The following SYT9 variants were observed in gnomAD, a reference collection of about 807,000 sequenced individuals.
SYT9 encodes synaptotagmin-9.
SYT9 carries 22 observed loss-of-function variants against 48.4 expected under a neutral mutation model. The observed-to-expected ratio is 0.45, with a 90% confidence interval of 0.32 to 0.65. SYT9 has a LOEUF of 0.65. Among genes scored for constraint, SYT9 ranks in the 30% least tolerant of loss-of-function variants. The probability of loss-of-function intolerance (pLI) is 0.03; values close to 1 mark genes in which losing one functional copy is unlikely to be tolerated. For synonymous variants in SYT9, 265 were observed against 245.0 expected, an observed-to-expected ratio of 1.08 and a Z score of -0.76; for missense variants, 577 against 622.0, an observed-to-expected ratio of 0.93 and a Z score of 0.77.
chr11:7,342,161 C>G (rs1242713771), intron 3 of SYT9, among the ~76,000 whole-genome samples: 4 of 152,078 alleles, frequency 2.6e-5, no homozygotes, highest in Admixed American at 2.6e-4. Flanking sequence ...TCATATCATT[C>G]CACCCCTGGG....
intron 3 of SYT9, among the ~76,000 whole-genome samples, chr11:7,374,807 A>C (rs1850424215): frequency 6.6e-6 from 1 of 152,074 alleles, no homozygotes; most frequent in Admixed American, 6.5e-5. Context: ...TTCCTTGTAG[A>C]TTCTGGATAT....
At chr11:7,256,172 T>G (rs759535406) in intron 1 of SYT9, among the ~76,000 whole-genome samples, 2 of 152,176 alleles carry the variant, frequency 1.3e-5, no homozygotes, top group Non-Finnish European at 2.9e-5. Flanking sequence ...CTTAAACATG[T>G]TTTTATCATT....
At position 7,304,224 on chromosome 11, in the gene SYT9, C is replaced by A. The variant is rs942497144; in HGVS notation, c.497+834C>A. ...ACAGGTCTGGCACCTGGTAAATGTTCCAAAATGTGAGCTGCCATTTTGCTG... is the reference window on the plus strand; with the variant it reads ...ACAGGTCTGGCACCTGGTAAATGTTACAAAATGTGAGCTGCCATTTTGCTG... On this transcript the variant is annotated intron_variant, in intron 2 of 6. Transcript: ENST00000318881. Among the ~76,000 whole-genome samples the A allele has an allele frequency of 5.9e-5, 9 of 152,160 alleles. No individual in the cohort carries two copies. The East Asian group carries it at 1.7e-3, about 29-fold the overall frequency.
At chr11:7,419,618 C>T (rs995362498) in intron 5 of SYT9, among the ~76,000 whole-genome samples, 1 of 152,134 alleles carries the variant, frequency 6.6e-6, no homozygotes, top group African/African-American at 2.4e-5. Context: ...TAGCCTTGGC[C>T]GGGCATGGTA....
intron 3 of SYT9, among the ~76,000 whole-genome samples, chr11:7,401,706 G>A (rs1846895996): frequency 6.6e-6 from 1 of 151,474 alleles, no homozygotes; most frequent in African/African-American, 2.4e-5. Context: ...TTATTTTAAT[G>A]TCTATGGTAT....
chr11:7,255,633 A>G (rs1847955320), intron 1 of SYT9, among the ~76,000 whole-genome samples: 1 of 152,146 alleles, frequency 6.6e-6, no homozygotes, highest in South Asian at 2.1e-4. Context: ...TTATTGAAGG[A>G]AGAGATGTGA....
At chr11:7,294,901 C>A (rs920441648) in intron 1 of SYT9, among the ~76,000 whole-genome samples, 2 of 152,218 alleles carry the variant, frequency 1.3e-5, no homozygotes, top group African/African-American at 4.8e-5. Flanking sequence ...AGTGAATGTT[C>A]TCAGCTGAAT....
intron 3 of SYT9, among the ~76,000 whole-genome samples, chr11:7,348,322 C>A (rs77181560): frequency 6.6e-6 from 1 of 152,132 alleles, no homozygotes; most frequent in Non-Finnish European, 1.5e-5. Flanking sequence ...GCAAATGTCA[C>A]CTGGCCATCA....
intron 3 of SYT9, among the ~76,000 whole-genome samples, chr11:7,386,651 G>A (rs1377014244): frequency 6.6e-6 from 1 of 152,170 alleles, no homozygotes; most frequent in Non-Finnish European, 1.5e-5. Flanking sequence ...GGAAACAACA[G>A]GTGCTGGAGA....
intron 5 of SYT9, among the ~76,000 whole-genome samples, chr11:7,420,174 C>G (rs1276215508): frequency 6.6e-6 from 1 of 152,140 alleles, no homozygotes; most frequent in Non-Finnish European, 1.5e-5. Context: ...TTGCAAGAAA[C>G]TCATTTCAGA....
intron 3 of SYT9, among the ~76,000 whole-genome samples, chr11:7,336,132 A>G (rs1205528670): frequency 6.6e-6 from 1 of 152,058 alleles, no homozygotes; most frequent in Non-Finnish European, 1.5e-5. Flanking sequence ...TTGGTCACGT[A>G]TCTGTCTTCA....
chr11:7,308,123 ACT>A (rs1849065775), intron 2 of SYT9, among the ~76,000 whole-genome samples: 1 of 152,118 alleles, frequency 6.6e-6, no homozygotes. Flanking sequence ...GGAAAACCTA[ACT>A]CTCTCTTCTT....
intron 3 of SYT9, among the ~76,000 whole-genome samples, chr11:7,342,687 C>T (rs1326380923): frequency 6.6e-6 from 1 of 152,160 alleles, no homozygotes; most frequent in African/African-American, 2.4e-5. Flanking sequence ...TCTGGGGTCT[C>T]GAGGACAGTG....
chr11:7,241,277 A>C (rs532021711), intron 1 of SYT9, among the ~76,000 whole-genome samples: 1 of 151,848 alleles, frequency 6.6e-6, no homozygotes, highest in African/African-American at 2.4e-5. Context: ...CATATCTTAG[A>C]GATCTATATG....
intron 1 of SYT9, among the ~76,000 whole-genome samples, chr11:7,294,799 G>T (rs6578843): frequency 6.6e-6 from 1 of 151,990 alleles, no homozygotes; most frequent in Admixed American, 6.5e-5. Flanking sequence ...GGGGCCATTT[G>T]GCCTATTGAA....
intron 6 of SYT9, among the ~76,000 whole-genome samples, chr11:7,446,204 C>A (rs556333298): frequency 1.3e-5 from 2 of 152,304 alleles, no homozygotes; most frequent in Admixed American, 6.5e-5. Flanking sequence ...AATCATGGAG[C>A]TGGAATATCA....
chr11:7,389,982 A>G (rs1483438327), intron 3 of SYT9, among the ~76,000 whole-genome samples: 1 of 152,230 alleles, frequency 6.6e-6, no homozygotes, highest in Admixed American at 6.5e-5. Context: ...TTAGAGCACA[A>G]TAAATACTAA....
At chr11:7,337,053 A>G (rs924730076) in intron 3 of SYT9, among the ~76,000 whole-genome samples, 3 of 151,962 alleles carry the variant, frequency 2.0e-5, no homozygotes, top group Non-Finnish European at 4.4e-5. Flanking sequence ...CACTGTAGAC[A>G]TCTTTACCTC....
chr11:7,304,770 A>G (rs1252692160), intron 2 of SYT9, among the ~76,000 whole-genome samples: 1 of 152,246 alleles, frequency 6.6e-6, no homozygotes, highest in Non-Finnish European at 1.5e-5. Context: ...TTTAAAACTT[A>G]AATATAACTA....
Sources: gnomAD v4.1 joint callset for allele counts (sites outside exome capture counted in the v4.1 genomes callset) on GRCh38, gnomAD v4.1.1 for gene constraint, MANE v1.5 for transcripts, NCBI Gene and HGNC (gene_info 2026-07-23, HGNC 2026-07-21) for gene names.